Variants in KIAA1328 observed in about 807,000 individuals in gnomAD.
The protein encoded by KIAA1328 is KIAA1328.
Under a neutral mutation model 68.1 loss-of-function variants are expected in KIAA1328, and 52 were observed. That is an observed-to-expected ratio of 0.76 (90% CI 0.61 to 0.96). The LOEUF is 0.96. KIAA1328 is among the 40% of genes least tolerant of loss of function. The probability of loss-of-function intolerance (pLI) is 0.00; values close to 1 mark genes in which losing one functional copy is unlikely to be tolerated. For synonymous variants in KIAA1328, 232 were observed against 239.4 expected, an observed-to-expected ratio of 0.97 and a Z score of 0.28; for missense variants, 641 against 677.6, an observed-to-expected ratio of 0.95 and a Z score of 0.60.
chr18:36,842,658 A>G (rs2046896700), intron 3 of KIAA1328, among the ~76,000 whole-genome samples: 1 of 151,174 alleles, frequency 6.6e-6, no homozygotes, highest in Middle Eastern at 3.2e-3. Context: ...TGTTAACACA[A>G]TGCCACTAAT....
intron 4 of KIAA1328, 69 bp downstream of exon 4, chr18:36,844,371 C>T (rs1391024593): frequency 2.9e-6 from 3 of 1,025,950 alleles, no homozygotes; most frequent in Non-Finnish European, 4.2e-6. Flanking sequence ...CAGAAAATTG[C>T]AAATATATTT....
intron 5 of KIAA1328, among the ~76,000 whole-genome samples, chr18:36,914,287 A>G (rs537914313): frequency 5.3e-5 from 8 of 152,362 alleles, no homozygotes; most frequent in African/African-American, 1.9e-4. Flanking sequence ...CGCTGTGATA[A>G]GACAGCAGAA....
intron 7 of KIAA1328, among the ~76,000 whole-genome samples, chr18:37,080,948 C>T (rs930738049): frequency 6.6e-6 from 1 of 151,658 alleles, no homozygotes; most frequent in African/African-American, 2.4e-5. Context: ...GTGAGATGCC[C>T]GGAGAAACAG....
chr18:37,016,140 T>C lies in KIAA1328; in HGVS notation c.577-50750T>C, dbSNP rs138060741. Among the ~76,000 whole-genome samples, 410 of 152,320 alleles carry C rather than the reference T, an allele frequency of 2.7e-3. 2 individuals carry two copies. Among genetic ancestry groups the C allele is most frequent in the Non-Finnish European group, 3.5e-3 (237 of 68,012 alleles). ...CATGGTGATAGTTGTAGCTTTGTCT[T>C]AGATAGCTCTTATTATTTTGAGGAA... On this transcript the variant is annotated intron_variant, in intron 6 of 9. Transcript: ENST00000280020.
At chr18:36,847,667 C>T (rs879714479) in intron 4 of KIAA1328, among the ~76,000 whole-genome samples, 5 of 151,434 alleles carry the variant, frequency 3.3e-5, no homozygotes, top group Non-Finnish European at 7.4e-5. Flanking sequence ...GTCAAATATG[C>T]GTTTTATTCT....
chr18:36,829,499 G>A (rs1568045354), intron 1 of KIAA1328: 1 of 1,162,728 alleles, frequency 8.6e-7, no homozygotes, highest in East Asian at 4.0e-5. Flanking sequence ...ATGGCCCTCC[G>A]AGGTCCCTCT....
downstream of KIAA1328, chr18:37,229,698 C>A (rs1266135485): frequency 3.3e-5 from 13 of 392,012 alleles, no homozygotes; most frequent in Non-Finnish European, 5.0e-5. Flanking sequence ...CACGGTGAAA[C>A]CCCATCTCTG....
At chr18:36,913,406 G>A (rs1211334070) in intron 5 of KIAA1328, among the ~76,000 whole-genome samples, 1 of 150,404 alleles carries the variant, frequency 6.6e-6, no homozygotes, top group Non-Finnish European at 1.5e-5. Context: ...TGTGTATGTT[G>A]GGGATTCATT....
At chr18:37,150,632 A>C (rs757783045) in intron 7 of KIAA1328, among the ~76,000 whole-genome samples, 1 of 152,042 alleles carries the variant, frequency 6.6e-6, no homozygotes, top group Non-Finnish European at 1.5e-5. Context: ...TAAGTTCAGG[A>C]ATATGTAAAA....
chr18:37,068,393 T>C (rs1449703243), intron 7 of KIAA1328, among the ~76,000 whole-genome samples: 1 of 152,244 alleles, frequency 6.6e-6, no homozygotes, highest in Non-Finnish European at 1.5e-5. Flanking sequence ...GTTCTTCCCT[T>C]AACAATTCTT....
intron 6 of KIAA1328, among the ~76,000 whole-genome samples, chr18:36,988,241 G>T (rs568202022): frequency 1.3e-5 from 2 of 152,134 alleles, no homozygotes; most frequent in South Asian, 4.2e-4. Context: ...CAGATAATTC[G>T]ACTTTTAAAT....
downstream of KIAA1328, chr18:37,230,749 C>G (rs1163014453): frequency 2.0e-5 from 3 of 152,190 alleles, no homozygotes; most frequent in Non-Finnish European, 4.4e-5. Context: ...GTGCCATACT[C>G]AGAGGACTGG....
At chr18:37,007,355 T>C (rs762253085) in intron 6 of KIAA1328, among the ~76,000 whole-genome samples, 4 of 152,156 alleles carry the variant, frequency 2.6e-5, no homozygotes, top group Non-Finnish European at 1.5e-5. Context: ...ATATACATGA[T>C]TGTGTATTGA....
intron 9 of KIAA1328, among the ~76,000 whole-genome samples, chr18:37,180,306 G>C (rs1330325848): frequency 2.6e-5 from 4 of 152,262 alleles, no homozygotes; most frequent in Middle Eastern, 6.8e-3. Flanking sequence ...AAAGGAGACT[G>C]AGTAACTGAC....
chr18:36,847,490 G>T (rs950402013), intron 4 of KIAA1328, among the ~76,000 whole-genome samples: 1 of 151,374 alleles, frequency 6.6e-6, no homozygotes, highest in Non-Finnish European at 1.5e-5. Context: ...GTGTTTACCG[G>T]TGACTAATGT....
At chr18:37,080,346 G>C (rs2056907340) in intron 7 of KIAA1328, among the ~76,000 whole-genome samples, 1 of 152,124 alleles carries the variant, frequency 6.6e-6, no homozygotes, top group African/African-American at 2.4e-5. Context: ...AGAGTTATTT[G>C]CTTTCTGGCT....
intron 4 of KIAA1328, among the ~76,000 whole-genome samples, chr18:36,858,021 A>G (rs2047438712): frequency 6.6e-6 from 1 of 152,118 alleles, no homozygotes; most frequent in Non-Finnish European, 1.5e-5. Context: ...GTTGATTGAT[A>G]GTTTTATTCA....
chr18:36,991,219 T>A (rs2053163922), intron 6 of KIAA1328, among the ~76,000 whole-genome samples: 1 of 152,222 alleles, frequency 6.6e-6, no homozygotes, highest in South Asian at 2.1e-4. Context: ...TCTGTATTTG[T>A]CACTTAACCT....
chr18:37,058,601 A>G lies in KIAA1328; in HGVS notation c.577-8289A>G, dbSNP rs186950195. Among the ~76,000 whole-genome samples the G allele has an allele frequency of 2.2e-4, 34 of 152,162 alleles. No homozygotes were observed. In the East Asian group the frequency reaches 6.6e-3, roughly 30 times the overall value. On this transcript the variant is annotated intron_variant, in intron 6 of 9. Transcript: ENST00000280020. ...GCAGCGTGCCCCTGTAGTCCCAACT[A>G]CTTGGGAGGCTGAGGCAAGAGAATT...
Sources: gnomAD v4.1 joint callset for allele counts (sites outside exome capture counted in the v4.1 genomes callset) on GRCh38, gnomAD v4.1.1 for gene constraint, MANE v1.5 for transcripts, NCBI Gene and HGNC (gene_info 2026-07-23, HGNC 2026-07-21) for gene names.